ZNF763: variants seen among roughly 807,000 people sequenced by gnomAD.
The protein encoded by ZNF763 is DNA-binding protein.
A neutral mutation model predicts 38.0 loss-of-function variants in ZNF763; 33 were observed. The ratio of observed to expected loss-of-function variants is 0.87; its 90% CI spans 0.66 to 1.16. ZNF763 has a LOEUF of 1.16. Among genes scored for constraint, ZNF763 ranks in the 50% most tolerant of loss-of-function variants. The pLI is 0.00. For missense variants in ZNF763, 423 were observed against 469.1 expected (o/e 0.90, Z 0.91); for synonymous variants, 155 against 160.1 (o/e 0.97, Z 0.24).
At chr19:11,968,235 T>C (rs562266965) in intron 1 of ZNF763, among the ~76,000 whole-genome samples, 20 of 151,744 alleles carry the variant, frequency 1.3e-4, no homozygotes, top group Admixed American at 3.9e-4. Flanking sequence ...AGAAGGCTGA[T>C]GTATGAGGTA....
Position 11,965,043 on chromosome 19 carries a change from T to G in ZNF763, c.-166T>G, listed in dbSNP as rs1204520341. ...AGGCACAGAGTGGGTCGCATTCCTG[T>G]CCTCACCTTTGTCCTTGCGCAGCCG... On this transcript the variant is annotated 5_prime_UTR_variant, in exon 1 of 4. Transcript: ENST00000358987. 3 of 801,710 alleles carry G rather than the reference T, an allele frequency of 3.7e-6. No homozygotes were observed. Among genetic ancestry groups the G allele is most frequent in the Non-Finnish European group, 6.2e-6 (3 of 486,010 alleles). The allele number at this position is 801,710 out of a possible 1,614,324, so 49.7% of individuals were successfully genotyped here.
At position 11,977,128 on chromosome 19, in the gene ZNF763, G is replaced by C. The variant is rs762430488; in HGVS notation, c.94G>C (p.Val32Leu). 2.1e-5 allele frequency: 34 copies of C among 1,614,182 alleles called. No individual in the cohort carries two copies. The East Asian group carries it at 7.6e-4, about 36-fold the overall frequency. ...TTCGCAGAGGAAACTCTACAGGGAA[G>C]TGATGCTGGAAACTTTCAGGAACCT... ...DISQRKLYRE[V>L]MLETFRNLTS... is the part of the protein sequence containing the mutation. The change falls in exon 2 of 4, where the codon GTG (valine) becomes CTG (leucine). Residue 32 changes from valine to leucine, a missense_variant. Val to Leu is a conservative substitution (Grantham distance 32). Transcript: ENST00000358987.
intron 1 of ZNF763, 133 bp downstream of exon 1, chr19:11,965,344 C>A: frequency 2.3e-6 from 3 of 1,284,674 alleles, no homozygotes; most frequent in South Asian, 2.6e-5. Context: ...TGGAGCTGCT[C>A]GGCCCTCGGT....
At chr19:11,965,811 A>G (rs929575572) in intron 1 of ZNF763, among the ~76,000 whole-genome samples, 1 of 152,202 alleles carries the variant, frequency 6.6e-6, no homozygotes, top group Non-Finnish European at 1.5e-5. Flanking sequence ...GAGGCGGCTC[A>G]AGACAATTTG....
Position 11,979,774 on chromosome 19 carries a change from T to G in ZNF763, c.*665T>G. 2 of 1,579,736 alleles carry G rather than the reference T, an allele frequency of 1.3e-6. No individual in the cohort carries two copies. The highest frequency in any genetic ancestry group is 2.3e-5 in the East Asian group (1 of 44,318). ...CACACCTTCGAATCCATGGTAGAACTCACACTGGAGAGAAACCCTATGAGT... is the reference window on the plus strand; with the variant it reads ...CACACCTTCGAATCCATGGTAGAACGCACACTGGAGAGAAACCCTATGAGT... On this transcript the variant is annotated 3_prime_UTR_variant, in exon 4 of 4. Coordinates refer to ENST00000358987, the MANE Select transcript of ZNF763 (RefSeq NM_001367172.2).
chr19:11,968,406 C>G (rs191390767), intron 1 of ZNF763, among the ~76,000 whole-genome samples: 1 of 152,178 alleles, frequency 6.6e-6, no homozygotes, highest in Non-Finnish European at 1.5e-5. Flanking sequence ...GCACACCTGG[C>G]TAATTTTTTG....
intron 1 of ZNF763, among the ~76,000 whole-genome samples, chr19:11,971,898 A>C (rs1973358911): frequency 6.6e-6 from 1 of 152,048 alleles, no homozygotes; most frequent in Non-Finnish European, 1.5e-5. Context: ...TTCCATGTCT[A>C]CTAAAAATAC....
Position 11,965,204 on chromosome 19 carries a change from AG to A in ZNF763, c.-3del, listed in dbSNP as rs1288591751. 6.2e-7 allele frequency: 1 copy of A among 1,613,944 alleles called. No homozygotes were observed. Among genetic ancestry groups the A allele is most frequent in the Non-Finnish European group, 8.5e-7 (1 of 1,179,954 alleles). The stretch of plus-strand genomic sequence containing the variant: ...GAGGACCCCAGGACATCTGAAAGCC[AG>A]GAAATGGTGCGTGTGCATAGCCGGT... On this transcript the variant is annotated 5_prime_UTR_variant, in exon 1 of 4. Transcript: ENST00000358987.
At chr19:11,976,555 CA>C (rs1197877281) in intron 1 of ZNF763, among the ~76,000 whole-genome samples, 5,980 of 73,684 alleles carry the variant, frequency 0.081, 398 homozygotes, top group African/African-American at 0.26. Flanking sequence ...GACTCTGTCT[CA>C]AAAAAAAAAA....
rs938489408 is a variant in ZNF763, at chr19:11,976,919, G to A, written c.4-119G>A. 5 of 1,546,362 alleles carry A rather than the reference G, an allele frequency of 3.2e-6. No individual in the cohort carries two copies. In the African/African-American group the frequency reaches 4.2e-5, roughly 13 times the overall value. ...AAAGTACAGAAAGCGAGAAAGGGAT[G>A]TGATGACCAAAGCAGGGAATAAATG... On this transcript the variant is annotated intron_variant, in intron 1 of 3. Transcript: ENST00000358987.
chr19:11,972,505 C>T (rs1478271533), intron 1 of ZNF763, among the ~76,000 whole-genome samples: 6 of 151,984 alleles, frequency 3.9e-5, no homozygotes, highest in African/African-American at 1.5e-4. Context: ...AATGATGGAG[C>T]CAGTATTGGG....
intron 1 of ZNF763, among the ~76,000 whole-genome samples, chr19:11,974,069 TTTTCTTTCTTTCTTTCTTTCTTTC>T (rs199661683): frequency 4.4e-4 from 50 of 114,776 alleles, no homozygotes; most frequent in Admixed American, 5.7e-4. Context: ...TCCTTCTTTC[TTTTCTTTCTTTCTTTCTTTCTTTC>T]TTTCTTTCTT....
chr19:11,968,567 T>C (rs183610321), intron 1 of ZNF763, among the ~76,000 whole-genome samples: 1 of 152,322 alleles, frequency 6.6e-6, no homozygotes, highest in African/African-American at 2.4e-5. Context: ...AGTGGTTTGC[T>C]TTTTTCCCCC....
chr19:11,975,604 G>A (rs189624679), intron 1 of ZNF763, among the ~76,000 whole-genome samples: 6 of 149,822 alleles, frequency 4.0e-5, no homozygotes, highest in Non-Finnish European at 5.9e-5. Context: ...TCACTGTGTC[G>A]ATCTCCTGAC....
intron 1 of ZNF763, among the ~76,000 whole-genome samples, chr19:11,974,117 CTTTCTTTCT>C (rs1326051457): frequency 0.14 from 10,676 of 77,918 alleles, 422 homozygotes; most frequent in East Asian, 0.17. Context: ...TTCTTTCTTT[CTTTCTTTCT>C]TTTCTTTCTT....
intron 3 of ZNF763, 23 bp from the exon 4 acceptor site, chr19:11,978,093 A>G (rs777752276): frequency 2.6e-5 from 42 of 1,603,320 alleles, no homozygotes; most frequent in Non-Finnish European, 3.5e-5. Flanking sequence ...AACCCTTCAT[A>G]ATGTGCTTCT....
intron 1 of ZNF763, among the ~76,000 whole-genome samples, chr19:11,974,661 G>A (rs1973447277): frequency 6.6e-6 from 1 of 151,828 alleles, no homozygotes; most frequent in African/African-American, 2.4e-5. Context: ...GGAGTGCGGG[G>A]GCATGATCTC....
rs1363692088 is a variant in ZNF763 at position 11,978,351 on chromosome 19, C to T, written c.427C>T (p.Pro143Ser). 6.2e-7 allele frequency: 1 copy of T among 1,614,124 alleles called. No individual in the cohort carries two copies. The highest frequency in any genetic ancestry group is 8.5e-7 in the Non-Finnish European group (1 of 1,180,024). Reference protein sequence around the residue: ...AYEYQDYAPKPYKCQQPKKAF... With the variant: ...AYEYQDYAPKSYKCQQPKKAF... ...CGAGTATCAGGACTATGCACCAAAGCCATATAAGTGTCAACAACCTAAGAA... is the reference window on the plus strand; with the variant it reads ...CGAGTATCAGGACTATGCACCAAAGTCATATAAGTGTCAACAACCTAAGAA... Residue 143 changes from proline (P) to serine (S), a missense_variant, in exon 4 of 4, where the codon CCA becomes TCA. Transcript: ENST00000358987.
Position 11,978,707 on chromosome 19 carries a change from T to C in ZNF763, c.783T>C (p.Cys261=), listed in dbSNP as rs532718128. ...TGEKPYECQQ[C]GKAFHSSSSF... is the part of the protein sequence containing the mutation. ...AAAAGCCTTATGAATGTCAGCAATG[T>C]GGGAAAGCATTCCATAGTTCCAGTT... The change falls in exon 4 of 4, where the codon TGT becomes TGC. Residue 261 remains cysteine (C), a synonymous_variant. Transcript: ENST00000358987. 7.9e-5 allele frequency: 128 copies of C among 1,614,132 alleles called. 3 individuals carry two copies. The South Asian group carries it at 1.3e-3, about 17-fold the overall frequency.
Sources: allele counts gnomAD v4.1 joint callset (sites outside exome capture counted in the v4.1 genomes callset), GRCh38; gene constraint gnomAD v4.1.1; transcripts MANE v1.5; gene names NCBI Gene and HGNC (gene_info 2026-07-23, HGNC 2026-07-21).